The following PGAP6 variants were observed in gnomAD, a reference collection of about 807,000 sequenced individuals.
The protein encoded by PGAP6 is post-GPI attachment to proteins 6, also known as post-GPI attachment to proteins factor 6.
PGAP6 carries 62 observed loss-of-function variants against 68.4 expected under a neutral mutation model. The ratio of observed to expected loss-of-function variants is 0.91; its 90% CI spans 0.74 to 1.12. The LOEUF (loss-of-function observed/expected upper bound fraction) is 1.12. PGAP6 is among the 50% of genes most tolerant of loss of function. PGAP6 has a pLI of 0.00. For missense variants in PGAP6, 1,188 were observed against 1,068.5 expected (o/e 1.11, Z -1.56); for synonymous variants, 575 against 474.0 (o/e 1.21, Z -2.77).
At chr16:373,854 G>A in intron 11 of PGAP6, 151 bp downstream of exon 11, 3 of 996,020 alleles carry the variant, frequency 3.0e-6, no homozygotes, top group Non-Finnish European at 4.3e-6. Context: ...AGGGATTACA[G>A]GTGTGAGCCA....
upstream of PGAP6, among the ~76,000 whole-genome samples, chr16:386,442 C>T (rs887946266): frequency 1.3e-5 from 2 of 151,942 alleles, no homozygotes; most frequent in Admixed American, 6.6e-5. Flanking sequence ...CCCACTCCGC[C>T]CCGAGTTTCC....
At chr16:373,518 G>A (rs2054352301) in intron 11 of PGAP6, among the ~76,000 whole-genome samples, 1 of 152,224 alleles carries the variant, frequency 6.6e-6, no homozygotes. Flanking sequence ...CGGGGTCTCA[G>A]ACCCGCATCT....
At position 375,428 on chromosome 16, in the gene PGAP6, ATC is replaced by A; in HGVS notation, c.1230_1231del (p.Glu410AspfsTer67). ...GGCCACTACGACGGTCTCGTTCCGC[ATC>A]TCTGTCTGGAAAGGGAGGCGGTGCC... On this transcript the variant is annotated frameshift_variant, in exon 7 of 13. Coordinates refer to ENST00000431232, the MANE Select transcript of PGAP6 (RefSeq NM_021259.3). LOFTEE classifies it high-confidence loss of function. 2 of 1,612,126 alleles carry A rather than the reference ATC, an allele frequency of 1.2e-6. No homozygotes were observed. Among genetic ancestry groups the A allele is most frequent in the Non-Finnish European group, 1.7e-6 (2 of 1,179,912 alleles).
chr16:385,846 G>A (rs377026533), upstream of PGAP6, among the ~76,000 whole-genome samples: 212 of 151,442 alleles, frequency 1.4e-3, no homozygotes, highest in African/African-American at 4.5e-3. Context: ...GGATGGTCTC[G>A]ATTTCCTGAC....
At chr16:377,903 T>C in intron 1 of PGAP6, 55 bp from the exon 2 acceptor site, 1 of 1,462,922 alleles carries the variant, frequency 6.8e-7, no homozygotes, top group East Asian at 2.5e-5. Context: ...GGGCCGCAGA[T>C]GGGGAGGACG....
intron 11 of PGAP6, 46 bp downstream of exon 11, chr16:373,959 G>A (rs1018488151): frequency 3.9e-6 from 6 of 1,547,890 alleles, no homozygotes; most frequent in African/African-American, 1.4e-5. Flanking sequence ...TGCACTTGGG[G>A]GCCCTGCTCC....
chr16:386,364 C>T (rs2054484852), upstream of PGAP6, among the ~76,000 whole-genome samples: 1 of 152,156 alleles, frequency 6.6e-6, no homozygotes, highest in Admixed American at 6.5e-5. Flanking sequence ...CTCCCAGGCT[C>T]TGCAGGTTGA....
intron 9 of PGAP6, 81 bp from the exon 10 acceptor site, chr16:374,480 G>A (rs1228673453): frequency 3.0e-5 from 42 of 1,407,274 alleles, no homozygotes; most frequent in Non-Finnish European, 3.7e-5. Context: ...ACCCTGCAGA[G>A]AAGCCCCTTC....
intron 1 of PGAP6, among the ~76,000 whole-genome samples, chr16:380,549 A>C (rs996507802): frequency 1.7e-4 from 26 of 151,912 alleles, no homozygotes; most frequent in African/African-American, 6.3e-4. Flanking sequence ...TATTCTTAGT[A>C]GAGAAGGGGG....
chr16:377,033 T>G lies in PGAP6; in HGVS notation c.635+4A>C, dbSNP rs746868290. ...GCCGGGCTGCCCCCCAGGCCCCCGC[T>G]CACTTGAGGTAGCTGGGATGGGAGA... On this transcript the variant is annotated splice_donor_region_variant and intron_variant, in intron 4 of 12. Transcript: ENST00000431232. The G allele has an allele frequency of 3.1e-6, 5 of 1,612,646 alleles. No individual in the cohort carries two copies. The South Asian group carries it at 5.5e-5, about 18-fold the overall frequency.
intron 9 of PGAP6, 123 bp from the exon 10 acceptor site, chr16:374,522 G>A (rs1202411694): frequency 9.8e-6 from 12 of 1,226,728 alleles, no homozygotes; most frequent in East Asian, 5.1e-5. Flanking sequence ...TAGGCACGGC[G>A]GGCGGGGTCC....
chr16:373,948 C>G (rs1006503355), intron 11 of PGAP6, 57 bp downstream of exon 11: 2 of 1,527,406 alleles, frequency 1.3e-6, no homozygotes, highest in African/African-American at 1.4e-5. Flanking sequence ...CTTTCGCAGG[C>G]TGCACTTGGG....
chr16:379,356 C>T (rs2141765096), intron 1 of PGAP6, among the ~76,000 whole-genome samples: 1 of 152,360 alleles, frequency 6.6e-6, no homozygotes, highest in South Asian at 2.1e-4. Flanking sequence ...TCGGCAAATC[C>T]AGGCCAAGCT....
Position 375,395 on chromosome 16 carries a change from T to C in PGAP6, c.1265A>G (p.Asn422Ser), listed in dbSNP as rs759365262. 6.2e-7 allele frequency: 1 copy of C among 1,612,934 alleles called. No homozygotes were observed. Among genetic ancestry groups the C allele is most frequent in the Non-Finnish European group, 8.5e-7 (1 of 1,179,958 alleles). ...RNETVVVACVNAASPFLGFNT... is the reference protein window; with the variant it reads ...RNETVVVACVSAASPFLGFNT... ...GAAGCCAAGGAAGGGCGAGGCAGCA[T>C]TCACGCAGGCCACTACGACGGTCTC... Residue 422 changes from asparagine to serine, a missense_variant, in exon 7 of 13, where the codon AAT becomes AGT. Coordinates refer to ENST00000431232, the MANE Select transcript of PGAP6 (RefSeq NM_021259.3).
chr16:383,364 G>C (rs1197215370), upstream of PGAP6: 1 of 152,244 alleles, frequency 6.6e-6, no homozygotes, highest in Non-Finnish European at 1.5e-5. Flanking sequence ...CCCCCGACTT[G>C]TCCACTGAAG....
At chr16:375,825 C>T (rs1456718734) in intron 6 of PGAP6, among the ~76,000 whole-genome samples, 6 of 151,840 alleles carry the variant, frequency 4.0e-5, no homozygotes, top group Non-Finnish European at 5.9e-5. Context: ...CCACCGCGCC[C>T]GGCCGGTGCT....
chr16:375,477 G>A (rs1385209074), intron 6 of PGAP6, 42 bp from the exon 7 acceptor site: 1 of 1,569,636 alleles, frequency 6.4e-7, no homozygotes, highest in South Asian at 1.1e-5. Flanking sequence ...AGCAGCCCCT[G>A]GCCGCAGTGG....
rs760580664 is a variant in PGAP6 at position 374,798 on chromosome 16, G to A, written c.1534C>T (p.Arg512Cys). The A allele has an allele frequency of 9.3e-6, 15 of 1,612,698 alleles. No individual in the cohort carries two copies. Among genetic ancestry groups the A allele is most frequent in the South Asian group, 5.5e-5 (5 of 91,084 alleles). The change falls in exon 9 of 13, where the codon CGC becomes TGC. Residue 512 changes from arginine to cysteine, a missense_variant. Transcript: ENST00000431232. ...CTGGCATACAGGTAGCTGTGTCTGCGGAGCAGGAGGCACTGGCCATAGGGT... is the reference window on the plus strand; with the variant it reads ...CTGGCATACAGGTAGCTGTGTCTGCAGAGCAGGAGGCACTGGCCATAGGGT... ...CGPYGQCLLL[R>C]RHSYLYASCS...
rs78172036 is a variant in PGAP6 at position 378,379 on chromosome 16, G to C, written c.122-531C>G. Among the ~76,000 whole-genome samples, 559 of 65,186 alleles carry C rather than the reference G, an allele frequency of 8.6e-3. 7 individuals carry two copies. The highest frequency in any genetic ancestry group is 0.011 in the South Asian group (14 of 1,274). The allele number at this position is 65,186 out of a possible 152,430, so 42.8% of individuals were successfully genotyped here. A position where few individuals can be genotyped will look rare whatever the true frequency, so the allele number is the denominator to read the frequency against. ...TGCCATCCCCACCCGCACTGCCATCGCCACCCTGACTGCCATCGCCACCCG... is the reference window on the plus strand; with the variant it reads ...TGCCATCCCCACCCGCACTGCCATCCCCACCCTGACTGCCATCGCCACCCG... On this transcript the variant is annotated intron_variant, in intron 1 of 12. Coordinates refer to ENST00000431232, the MANE Select transcript of PGAP6 (RefSeq NM_021259.3).
Sources: gnomAD v4.1 joint callset for allele counts (sites outside exome capture counted in the v4.1 genomes callset) on GRCh38, gnomAD v4.1.1 for gene constraint, MANE v1.5 for transcripts, NCBI Gene and HGNC (gene_info 2026-07-23, HGNC 2026-07-21) for gene names.